PHYH: variants seen among roughly 807,000 people sequenced by gnomAD.
The protein encoded by PHYH is phytanoyl-CoA 2-hydroxylase.
In PHYH, 32 loss-of-function variants were observed where a neutral mutation model predicts 38.5. That is an observed-to-expected ratio of 0.83 (90% confidence interval 0.63 to 1.12). The LOEUF (loss-of-function observed/expected upper bound fraction) is 1.12, where lower values mean the gene tolerates loss of function less well. PHYH is among the 50% of genes most tolerant of loss of function. PHYH has a pLI of 0.00. For missense variants in PHYH, 426 were observed against 434.8 expected, an observed-to-expected ratio of 0.98 and a Z score of 0.18; for synonymous variants, 166 against 157.9, an observed-to-expected ratio of 1.05 and a Z score of -0.38.
At chr10:13,299,875 C>T in intron 1 of PHYH, 93 bp downstream of exon 1, 1 of 1,390,134 alleles carries the variant, frequency 7.2e-7, no homozygotes, top group Non-Finnish European at 9.3e-7. Context: ...GCGAAGCGTG[C>T]GACCCCGAGG....
chr10:13,280,723 C>G (rs1281754617), intron 8 of PHYH, among the ~76,000 whole-genome samples: 1 of 152,142 alleles, frequency 6.6e-6, no homozygotes, highest in African/African-American at 2.4e-5. Flanking sequence ...CTGTGTGAAA[C>G]AGGACAGCCA....
intron 2 of PHYH, among the ~76,000 whole-genome samples, chr10:13,296,886 G>A (rs1332136442): frequency 2.6e-5 from 4 of 151,682 alleles, no homozygotes; most frequent in Admixed American, 6.6e-5. Context: ...CCCGGGAGGC[G>A]GAGCTTGCAG....
chr10:13,291,813 C>G lies in PHYH; in HGVS notation c.496+18G>C. ...CATTTTAATGAAACCATTTTTTTTT[C>G]TTCTCCCTTACAATTACCAGAATCT... On this transcript the variant is annotated intron_variant, in intron 5 of 8. Coordinates refer to ENST00000263038, the MANE Select transcript of PHYH (RefSeq NM_006214.4). The G allele has an allele frequency of 6.5e-7, 1 of 1,545,680 alleles. No individual in the cohort carries two copies. Among genetic ancestry groups the G allele is most frequent in the Non-Finnish European group, 8.9e-7 (1 of 1,123,244 alleles).
At chr10:13,298,952 TAA>T (rs1832662089) in intron 1 of PHYH, among the ~76,000 whole-genome samples, 1 of 64,488 alleles carries the variant, frequency 1.6e-5, no homozygotes, top group African/African-American at 3.2e-5. Flanking sequence ...ATAATAATAA[TAA>T]TAATAATAAT....
intron 4 of PHYH, among the ~76,000 whole-genome samples, chr10:13,293,930 G>T (rs866999903): frequency 6.6e-6 from 1 of 152,012 alleles, no homozygotes; most frequent in Non-Finnish European, 1.5e-5. Context: ...CTGGCCAGGC[G>T]CAGTGACTCA....
chr10:13,293,739 G>A (rs540879388), intron 4 of PHYH, among the ~76,000 whole-genome samples: 5 of 152,074 alleles, frequency 3.3e-5, no homozygotes, highest in African/African-American at 1.2e-4. Flanking sequence ...GTGCCACTTC[G>A]CCTGGCCTTT....
At chr10:13,291,564 T>C in intron 5 of PHYH, 1 of 475,284 alleles carries the variant, frequency 2.1e-6, no homozygotes, top group South Asian at 2.2e-5. Context: ...ACTGCAGCCT[T>C]CAACTCCTGG....
At chr10:13,298,320 A>G in intron 1 of PHYH, 75 bp from the exon 2 acceptor site, 2 of 891,612 alleles carry the variant, frequency 2.2e-6, no homozygotes, top group South Asian at 2.7e-5. Flanking sequence ...TAATTCCAGC[A>G]CTTTGGGAGG....
At chr10:13,290,427 G>C (rs1224208906) in intron 5 of PHYH, among the ~76,000 whole-genome samples, 1 of 152,086 alleles carries the variant, frequency 6.6e-6, no homozygotes, top group Non-Finnish European at 1.5e-5. Context: ...TGTGGCTCCC[G>C]AACACCTGCT....
At chr10:13,298,282 G>A in intron 1 of PHYH, 37 bp from the exon 2 acceptor site, 1 of 1,375,308 alleles carries the variant, frequency 7.3e-7, no homozygotes, top group East Asian at 2.3e-5. Context: ...GTAAAATATA[G>A]AAGGCCAGGC....
In PHYH at chr10:13,293,596, G is replaced by A. The variant is rs1468901739; in HGVS notation, c.414+832C>T. Among the ~76,000 whole-genome samples, 5 of 151,960 alleles carry A rather than the reference G, an allele frequency of 3.3e-5. No individual in the cohort carries two copies. The South Asian group carries it at 6.3e-4, about 19-fold the overall frequency. ...ATTACAGGCATGAGCCACCGCGCCC[G>A]GCAGTTAGCTCACTTCTCTTATTCA... On this transcript the variant is annotated intron_variant, in intron 4 of 8. Coordinates refer to ENST00000263038, the MANE Select transcript of PHYH (RefSeq NM_006214.4).
intron 2 of PHYH, among the ~76,000 whole-genome samples, chr10:13,296,871 G>A (rs1451887878): frequency 8.7e-5 from 13 of 150,032 alleles, no homozygotes; most frequent in Admixed American, 7.3e-4. Context: ...GGAGAATGGC[G>A]TGAACCCGGG....
At chr10:13,290,651 G>T (rs909998428) in intron 5 of PHYH, among the ~76,000 whole-genome samples, 4 of 151,982 alleles carry the variant, frequency 2.6e-5, no homozygotes, top group Non-Finnish European at 4.4e-5. Context: ...TCCTCCCCCC[G>T]CAGCCTCCTG....
At chr10:13,298,151 A>T (rs1181484181) in intron 2 of PHYH, 36 bp downstream of exon 2, 2 of 1,335,910 alleles carry the variant, frequency 1.5e-6, no homozygotes, top group South Asian at 2.3e-5. Context: ...TTTTATATAC[A>T]TAATATATTT....
At chr10:13,297,610 T>A (rs545753647) in intron 2 of PHYH, among the ~76,000 whole-genome samples, 1 of 151,962 alleles carries the variant, frequency 6.6e-6, no homozygotes, top group African/African-American at 2.4e-5. Flanking sequence ...CACACCACCA[T>A]GCCCAGCTAA....
At chr10:13,286,016 T>C (rs1835540558) in intron 6 of PHYH, among the ~76,000 whole-genome samples, 1 of 152,074 alleles carries the variant, frequency 6.6e-6, no homozygotes, top group Non-Finnish European at 1.5e-5. Context: ...CAAGTAATCC[T>C]CCTGCCTCAG....
At chr10:13,295,040 T>A (rs189290661) in intron 3 of PHYH, 1 of 296,082 alleles carries the variant, frequency 3.4e-6, no homozygotes, top group East Asian at 9.3e-5. Context: ...TGATATTAAG[T>A]GGTGGAGCTG....
chr10:13,295,311 G>T lies in PHYH; in HGVS notation c.245+185C>A, dbSNP rs976103341. ...ACCACTGCACTCAGCCTACACAACA[G>T]AGTGAGAACCTTTCTCTATAAAAAA... is the stretch of plus-strand genomic sequence containing the variant. On this transcript the variant is annotated intron_variant, in intron 3 of 8. Coordinates refer to ENST00000263038, the MANE Select transcript of PHYH (RefSeq NM_006214.4). The T allele has an allele frequency of 6.9e-6, 4 of 581,934 alleles. No homozygotes were observed. The African/African-American group carries it at 7.5e-5, about 11-fold the overall frequency. 36.0% of individuals were successfully genotyped at this position (581,934 alleles called of 1,614,324 possible).
At chr10:13,294,739 T>G (rs1283731508) in intron 3 of PHYH, 143 bp from the exon 4 acceptor site, 9 of 698,628 alleles carry the variant, frequency 1.3e-5, no homozygotes, top group South Asian at 1.2e-4. Flanking sequence ...ATAATTCCAA[T>G]GAAAGGGAGG....
Sources: allele counts gnomAD v4.1 joint callset (sites outside exome capture counted in the v4.1 genomes callset), GRCh38; gene constraint gnomAD v4.1.1; transcripts MANE v1.5; gene names NCBI Gene and HGNC (gene_info 2026-07-23, HGNC 2026-07-21).